Variants in ZSWIM6 observed in about 807,000 individuals in gnomAD.
ZSWIM6 encodes zinc finger SWIM-type containing 6, also known as zinc finger SWIM domain-containing protein 6.
Under a neutral mutation model 113.2 loss-of-function variants are expected in ZSWIM6, and 9 were observed. That is an observed-to-expected ratio of 0.08 (90% CI 0.05 to 0.14). ZSWIM6 has a LOEUF of 0.14. Ranked by LOEUF, ZSWIM6 falls within the 10% of genes least tolerant of loss-of-function variation. The pLI is 1.00. For missense variants in ZSWIM6, 1,162 were observed against 1,552.2 expected (o/e 0.75, Z 4.22); for synonymous variants, 611 against 606.5 (o/e 1.01, Z -0.11).
intron 1 of ZSWIM6, among the ~76,000 whole-genome samples, chr5:61,464,158 A>ATTTTTTTTTTTTTTTTTTTTTTTT (rs869288331): frequency 4.6e-5 from 2 of 43,522 alleles, no homozygotes; most frequent in Non-Finnish European, 8.2e-5. Context: ...CACCCGGCTA[A>ATTTTTTTTTTTTTTTTTTTTTTTT]TTTTTTTTTT....
intron 1 of ZSWIM6, among the ~76,000 whole-genome samples, chr5:61,448,439 T>G (rs1306100454): frequency 1.3e-5 from 2 of 152,230 alleles, no homozygotes; most frequent in Non-Finnish European, 2.9e-5. Context: ...ATTAGTTTCC[T>G]TCTCATTCAT....
intron 2 of ZSWIM6, among the ~76,000 whole-genome samples, chr5:61,490,388 T>C (rs1748147846): frequency 6.6e-6 from 1 of 152,106 alleles, no homozygotes; most frequent in African/African-American, 2.4e-5. Context: ...AAGAGAGAAA[T>C]ACTCTGCTAA....
intron 4 of ZSWIM6, among the ~76,000 whole-genome samples, chr5:61,511,318 A>G (rs1748780345): frequency 6.6e-6 from 1 of 152,194 alleles, no homozygotes; most frequent in Admixed American, 6.6e-5. Flanking sequence ...TTCTGTAAGC[A>G]TCTGAGTTTT....
chr5:61,414,065 A>T (rs1746196623), intron 1 of ZSWIM6, among the ~76,000 whole-genome samples: 4 of 152,056 alleles, frequency 2.6e-5, no homozygotes, highest in Admixed American at 1.3e-4. Flanking sequence ...CAGGGCAAAG[A>T]TCATCCTGTG....
chr5:61,417,137 G>A (rs754991668), intron 1 of ZSWIM6, among the ~76,000 whole-genome samples: 9 of 151,846 alleles, frequency 5.9e-5, no homozygotes, highest in Non-Finnish European at 1.0e-4. Flanking sequence ...AGCAAACTCC[G>A]TCTCGAAGAA....
chr5:61,509,787 G>A (rs1024434350), intron 4 of ZSWIM6, among the ~76,000 whole-genome samples: 4 of 152,190 alleles, frequency 2.6e-5, no homozygotes, highest in Non-Finnish European at 5.9e-5. Context: ...ACAAGTTGCA[G>A]AAGTATTTCA....
chr5:61,353,691 A>G (rs961065025), intron 1 of ZSWIM6, among the ~76,000 whole-genome samples: 1 of 152,190 alleles, frequency 6.6e-6, no homozygotes, highest in Non-Finnish European at 1.5e-5. Flanking sequence ...CTGATACTAC[A>G]CTCAGTTGAG....
At chr5:61,483,268 T>A (rs1438964008) in intron 2 of ZSWIM6, among the ~76,000 whole-genome samples, 1 of 152,088 alleles carries the variant, frequency 6.6e-6, no homozygotes, top group East Asian at 1.9e-4. Context: ...CCTCCCATGA[T>A]AACCCATTAA....
intron 1 of ZSWIM6, among the ~76,000 whole-genome samples, chr5:61,458,758 G>T (rs958130584): frequency 6.6e-6 from 1 of 151,630 alleles, no homozygotes; most frequent in Non-Finnish European, 1.5e-5. Context: ...GGCACTTGTG[G>T]TCCCAGCTAC....
chr5:61,466,191 T>C (rs542504047), intron 1 of ZSWIM6, among the ~76,000 whole-genome samples: 2 of 152,192 alleles, frequency 1.3e-5, no homozygotes, highest in Non-Finnish European at 2.9e-5. Context: ...GTTCTCAGAG[T>C]TGGGAAAGGT....
At chr5:61,410,780 G>A (rs1253927615) in intron 1 of ZSWIM6, among the ~76,000 whole-genome samples, 1 of 152,162 alleles carries the variant, frequency 6.6e-6, no homozygotes, top group Non-Finnish European at 1.5e-5. Context: ...ACATAGAATA[G>A]CCAACAGGAA....
In ZSWIM6 at chr5:61,478,907, A is replaced by T. The variant is rs539602978; in HGVS notation, c.1033+5870A>T. On this transcript the variant is annotated intron_variant, in intron 2 of 13. Transcript: ENST00000252744. ...GGTTTTAGGCTGGGCTTGGTGGCTC[A>T]TGCCTGTAATCTTGGGACTTTGGGA... Among the ~76,000 whole-genome samples, 19 of 152,338 alleles carry T rather than the reference A, an allele frequency of 1.2e-4. No individual in the cohort carries two copies. The East Asian group carries it at 3.7e-3, about 29-fold the overall frequency.
chr5:61,391,461 A>C, intron 1 of ZSWIM6: 1 of 1,322,614 alleles, frequency 7.6e-7, no homozygotes, highest in Non-Finnish European at 1.1e-6. Context: ...CCTCATCCTG[A>C]CATTTCTTGC....
At chr5:61,405,416 G>A (rs1746023316) in intron 1 of ZSWIM6, among the ~76,000 whole-genome samples, 1 of 152,070 alleles carries the variant, frequency 6.6e-6, no homozygotes. Flanking sequence ...ATATTTTGAT[G>A]ACATTTCTCT....
chr5:61,516,400 A>G (rs1580056116), intron 4 of ZSWIM6, among the ~76,000 whole-genome samples: 1 of 148,244 alleles, frequency 6.7e-6, no homozygotes, highest in African/African-American at 2.4e-5. Context: ...TGAAGTTAAT[A>G]TTTTGCCATG....
At chr5:61,378,921 T>C (rs1206684841) in intron 1 of ZSWIM6, among the ~76,000 whole-genome samples, 1 of 152,034 alleles carries the variant, frequency 6.6e-6, no homozygotes, top group East Asian at 1.9e-4. Context: ...GGCTCACTCC[T>C]GTTATCCCAG....
At chr5:61,408,887 G>A (rs1462675981) in intron 1 of ZSWIM6, among the ~76,000 whole-genome samples, 1 of 152,218 alleles carries the variant, frequency 6.6e-6, no homozygotes, top group East Asian at 1.9e-4. Context: ...GTCAGAGACT[G>A]ACAGCGCGAG....
chr5:61,373,514 G>A (rs1745308842), intron 1 of ZSWIM6, among the ~76,000 whole-genome samples: 1 of 151,026 alleles, frequency 6.6e-6, no homozygotes, highest in Non-Finnish European at 1.5e-5. Context: ...TCATCATACT[G>A]CTGCTACCAC....
chr5:61,384,936 T>C (rs1442896727), intron 1 of ZSWIM6, among the ~76,000 whole-genome samples: 1 of 152,160 alleles, frequency 6.6e-6, no homozygotes, highest in Non-Finnish European at 1.5e-5. Flanking sequence ...GGCAGGCACC[T>C]GTAGTCCCAG....
Sources: allele counts gnomAD v4.1 joint callset (sites outside exome capture counted in the v4.1 genomes callset), GRCh38; gene constraint gnomAD v4.1.1; transcripts MANE v1.5; gene names NCBI Gene and HGNC (gene_info 2026-07-23, HGNC 2026-07-21).